PCDH15: variants seen among roughly 807,000 people sequenced by gnomAD.
The protein encoded by PCDH15 is protocadherin related 15.
PCDH15 carries 129 observed loss-of-function variants against 178.5 expected under a neutral mutation model. That is an observed-to-expected ratio of 0.72 (90% CI 0.63 to 0.84). The LOEUF (loss-of-function observed/expected upper bound fraction) is 0.84, where lower values mean the gene tolerates loss of function less well. Among genes scored for constraint, PCDH15 ranks in the 40% least tolerant of loss-of-function variants. PCDH15 has a pLI of 0.00. For missense variants in PCDH15, 2,230 were observed against 2,099.9 expected, an observed-to-expected ratio of 1.06 and a Z score of -1.21; for synonymous variants, 800 against 732.0, an observed-to-expected ratio of 1.09 and a Z score of -1.50.
chr10:54,017,657 A>G (rs959708461), intron 20 of PCDH15, among the ~76,000 whole-genome samples: 1 of 152,150 alleles, frequency 6.6e-6, no homozygotes, highest in Non-Finnish European at 1.5e-5. Context: ...TAGGAAGTGA[A>G]GAAGCGGGGG....
intron 32 of PCDH15, 95 bp downstream of exon 32, chr10:53,827,298 G>T: frequency 1.4e-6 from 2 of 1,434,646 alleles, no homozygotes; most frequent in East Asian, 2.4e-5. Context: ...AATAGTCCAT[G>T]TAGGCATTTC....
chr10:54,140,344 A>T (rs911870465), intron 14 of PCDH15, among the ~76,000 whole-genome samples: 9 of 152,298 alleles, frequency 5.9e-5, no homozygotes, highest in African/African-American at 2.2e-4. Context: ...AAAGACAGTA[A>T]ATATCAAAAA....
chr10:54,878,666 T>C (rs1009783974), intron 3 of PCDH15, among the ~76,000 whole-genome samples: 1 of 152,168 alleles, frequency 6.6e-6, no homozygotes, highest in Non-Finnish European at 1.5e-5. Flanking sequence ...TTTATTTATA[T>C]TTTTTCTTTA....
chr10:54,596,506 A>G (rs990810823), intron 2 of PCDH15, among the ~76,000 whole-genome samples: 8 of 152,250 alleles, frequency 5.3e-5, no homozygotes, highest in Admixed American at 4.6e-4. Context: ...ACACAAACTC[A>G]CTTAAGGACA....
chr10:54,533,961 T>C (rs942310319), intron 2 of PCDH15, among the ~76,000 whole-genome samples: 8 of 152,300 alleles, frequency 5.3e-5, no homozygotes, highest in African/African-American at 1.9e-4. Context: ...TTAATAGTTG[T>C]ATAATATTGG....
intron 2 of PCDH15, among the ~76,000 whole-genome samples, chr10:54,644,831 C>G (rs763516811): frequency 6.6e-6 from 1 of 152,120 alleles, no homozygotes. Context: ...GAGGGCTGTG[C>G]ACTCTGTACC....
chr10:55,191,899 G>A (rs1839952853), intron 1 of PCDH15, among the ~76,000 whole-genome samples: 1 of 151,732 alleles, frequency 6.6e-6, no homozygotes, highest in Non-Finnish European at 1.5e-5. Context: ...ATGACACTGT[G>A]TTTGAACAAG....
chr10:54,642,225 A>C (rs2094007520), intron 2 of PCDH15, among the ~76,000 whole-genome samples: 1 of 152,196 alleles, frequency 6.6e-6, no homozygotes, highest in Admixed American at 6.5e-5. Context: ...TCAATGAATC[A>C]GGAAGTAGGC....
intron 2 of PCDH15, among the ~76,000 whole-genome samples, chr10:55,479,668 C>A (rs1387266987): frequency 6.6e-6 from 1 of 151,472 alleles, no homozygotes; most frequent in African/African-American, 2.4e-5. Flanking sequence ...ATAGCCTGAG[C>A]AATTAGGCAA....
At chr10:54,762,214 T>A (rs866130986) in intron 1 of PCDH15, among the ~76,000 whole-genome samples, 37 of 152,004 alleles carry the variant, frequency 2.4e-4, no homozygotes, top group African/African-American at 8.7e-4. Flanking sequence ...TCTTGTCTTA[T>A]AAGAAATGCT....
At chr10:54,930,653 C>CT (rs1241490165) in intron 2 of PCDH15, among the ~76,000 whole-genome samples, 1 of 152,012 alleles carries the variant, frequency 6.6e-6, no homozygotes, top group Non-Finnish European at 1.5e-5. Flanking sequence ...CTTATTTATT[C>CT]TTATAGAAAT....
chr10:55,429,768 T>C (rs1186613015), intron 2 of PCDH15, among the ~76,000 whole-genome samples: 1 of 152,130 alleles, frequency 6.6e-6, no homozygotes, highest in African/African-American at 2.4e-5. Flanking sequence ...CATTAGGAAC[T>C]TGGACTGTTA....
chr10:54,437,203 T>G (rs901380681), intron 3 of PCDH15, among the ~76,000 whole-genome samples: 1 of 152,184 alleles, frequency 6.6e-6, no homozygotes, highest in Non-Finnish European at 1.5e-5. Context: ...TTCACCAGGA[T>G]AGTGAATGAG....
chr10:54,212,057 C>T (rs1279722824), intron 10 of PCDH15, among the ~76,000 whole-genome samples: 1 of 151,396 alleles, frequency 6.6e-6, no homozygotes, highest in Non-Finnish European at 1.5e-5. Flanking sequence ...TACACTGTAC[C>T]CAGGTACACC....
chr10:54,520,408 T>G (rs903456064), intron 3 of PCDH15, among the ~76,000 whole-genome samples: 2 of 152,198 alleles, frequency 1.3e-5, no homozygotes, highest in Non-Finnish European at 2.9e-5. Context: ...GCAAAGGATA[T>G]AAACAGACAC....
chr10:54,714,737 T>G (rs1450350937), intron 1 of PCDH15, among the ~76,000 whole-genome samples: 2 of 152,118 alleles, frequency 1.3e-5, no homozygotes, highest in African/African-American at 4.8e-5. Flanking sequence ...GACCATCCAT[T>G]TGATATATTT....
chr10:53,909,612 G>C (rs1293944638), intron 25 of PCDH15, among the ~76,000 whole-genome samples: 1 of 152,166 alleles, frequency 6.6e-6, no homozygotes, highest in Non-Finnish European at 1.5e-5. Flanking sequence ...GGTGATTTCT[G>C]CATTTCCAAC....
intron 1 of PCDH15, among the ~76,000 whole-genome samples, chr10:55,264,159 T>C (rs1466275124): frequency 2.0e-5 from 3 of 152,140 alleles, no homozygotes; most frequent in African/African-American, 4.8e-5. Flanking sequence ...TGAGACACTC[T>C]AAATGGATAA....
chr10:55,368,979 G>C (rs1157490861), intron 2 of PCDH15, among the ~76,000 whole-genome samples: 1 of 129,376 alleles, frequency 7.7e-6, no homozygotes, highest in African/African-American at 2.9e-5. Context: ...TTATTATGCA[G>C]CTTGGATAGT....
Sources: allele counts gnomAD v4.1 joint callset (sites outside exome capture counted in the v4.1 genomes callset), GRCh38; gene constraint gnomAD v4.1.1; transcripts MANE v1.5; gene names NCBI Gene and HGNC (gene_info 2026-07-23, HGNC 2026-07-21).